The following THSD7B variants were observed in gnomAD, a reference collection of about 807,000 sequenced individuals.
THSD7B encodes thrombospondin type-1 domain-containing protein 7B.
Under a neutral mutation model 213.6 loss-of-function variants are expected in THSD7B, and 138 were observed. The observed-to-expected ratio is 0.65, with a 90% CI of 0.56 to 0.74. The LOEUF (loss-of-function observed/expected upper bound fraction) is 0.74, where lower values mean the gene tolerates loss of function less well. THSD7B is among the 30% of genes least tolerant of loss of function. The pLI, the probability that THSD7B is intolerant of heterozygous loss-of-function variation, is 0.00. For missense variants in THSD7B, 1,931 were observed against 1,991.5 expected (o/e 0.97, Z 0.58); for synonymous variants, 742 against 687.0 (o/e 1.08, Z -1.25).
intron 12 of THSD7B, among the ~76,000 whole-genome samples, chr2:137,284,336 T>C (rs1218173229): frequency 1.3e-5 from 2 of 152,122 alleles, no homozygotes; most frequent in Non-Finnish European, 2.9e-5. Flanking sequence ...TTTGTTGATC[T>C]TTTCAAAAAT....
chr2:136,865,010 T>G (rs1364861671), intron 1 of THSD7B, among the ~76,000 whole-genome samples: 1 of 152,340 alleles, frequency 6.6e-6, no homozygotes, highest in East Asian at 1.9e-4. Context: ...CTGATATGAA[T>G]TCTTTTGTGC....
chr2:137,538,461 T>C, intron 15 of THSD7B: 1 of 514,780 alleles, frequency 1.9e-6, no homozygotes, highest in South Asian at 1.4e-5. Flanking sequence ...TTGCTTATCA[T>C]GCACTGCTAA....
At chr2:137,645,935 A>C (rs1200988869) in intron 21 of THSD7B, among the ~76,000 whole-genome samples, 1 of 152,178 alleles carries the variant, frequency 6.6e-6, no homozygotes, top group Non-Finnish European at 1.5e-5. Flanking sequence ...GGAAATAAAC[A>C]TTTACTAGAA....
intron 15 of THSD7B, among the ~76,000 whole-genome samples, chr2:137,452,462 C>G (rs1687669843): frequency 6.6e-6 from 1 of 152,090 alleles, no homozygotes; most frequent in Non-Finnish European, 1.5e-5. Flanking sequence ...GGGAAATACT[C>G]TGTATGGAGA....
In THSD7B at chr2:137,428,812, G is replaced by C. The variant is rs1687114114; in HGVS notation, c.2959+16940G>C. On this transcript the variant is annotated intron_variant, in intron 14 of 27. Coordinates refer to ENST00000409968, the MANE Select transcript of THSD7B (RefSeq NM_001316349.2). Reference sequence around the variant, plus strand: ...TTGAAACTTAATTCCCAATATAATAGTACATGAGTAGGACTTTTAGGGGTG... The same window carrying C: ...TTGAAACTTAATTCCCAATATAATACTACATGAGTAGGACTTTTAGGGGTG... Among the ~76,000 whole-genome samples, 5 of 152,158 alleles carry C rather than the reference G, an allele frequency of 3.3e-5. No homozygotes were observed. In the South Asian group the frequency reaches 1.0e-3, roughly 31 times the overall value.
intron 12 of THSD7B, among the ~76,000 whole-genome samples, chr2:137,328,952 A>C (rs1299646648): frequency 1.3e-5 from 2 of 152,120 alleles, no homozygotes. Context: ...TTTATAAATT[A>C]CCCAGGCTCA....
chr2:136,861,714 T>G (rs1254746546), intron 1 of THSD7B, among the ~76,000 whole-genome samples: 1 of 152,230 alleles, frequency 6.6e-6, no homozygotes, highest in Non-Finnish European at 1.5e-5. Context: ...AGAACCTAAA[T>G]GTATTGGTCA....
At chr2:137,067,616 G>A (rs1306242486) in intron 3 of THSD7B, among the ~76,000 whole-genome samples, 1 of 152,018 alleles carries the variant, frequency 6.6e-6, no homozygotes, top group East Asian at 1.9e-4. Context: ...AGCCTATTAA[G>A]CCTGTTTGTT....
At chr2:137,645,686 AC>A (rs969240985) in intron 21 of THSD7B, among the ~76,000 whole-genome samples, 4 of 148,536 alleles carry the variant, frequency 2.7e-5, no homozygotes, top group Admixed American at 6.7e-5. Context: ...AAAAAAAAAA[AC>A]CACTTTAATA....
chr2:136,773,067 G>A (rs539695368), intron 1 of THSD7B, among the ~76,000 whole-genome samples: 18 of 152,012 alleles, frequency 1.2e-4, no homozygotes, highest in African/African-American at 2.4e-4. Flanking sequence ...CACATTCAGC[G>A]CTGTCTAAAA....
chr2:137,360,051 T>G (rs1380615905), intron 12 of THSD7B, among the ~76,000 whole-genome samples: 4 of 152,192 alleles, frequency 2.6e-5, no homozygotes. Context: ...GTTTCAAGCT[T>G]AGATAATCAA....
At chr2:137,337,702 T>C (rs972643799) in intron 12 of THSD7B, among the ~76,000 whole-genome samples, 1 of 152,114 alleles carries the variant, frequency 6.6e-6, no homozygotes, top group Non-Finnish European at 1.5e-5. Flanking sequence ...GATTATCTAG[T>C]TTTCATCAGT....
chr2:137,362,653 T>C (rs1267269180), intron 12 of THSD7B, among the ~76,000 whole-genome samples: 1 of 152,172 alleles, frequency 6.6e-6, no homozygotes, highest in East Asian at 1.9e-4. Context: ...CATTACATAA[T>C]GGTAAAGGGA....
intron 10 of THSD7B, among the ~76,000 whole-genome samples, chr2:137,252,986 T>C (rs964818407): frequency 5.1e-5 from 7 of 136,646 alleles, no homozygotes; most frequent in Admixed American, 2.5e-4. Context: ...TAGGTAGAAA[T>C]ATAGAAAAGG....
At chr2:136,854,316 C>T (rs1683147050) in intron 1 of THSD7B, among the ~76,000 whole-genome samples, 1 of 152,108 alleles carries the variant, frequency 6.6e-6, no homozygotes, top group Non-Finnish European at 1.5e-5. Context: ...TTCTCAACTC[C>T]AGTTGAAAAT....
intron 1 of THSD7B, among the ~76,000 whole-genome samples, chr2:136,833,671 A>T (rs1450077646): frequency 6.6e-6 from 1 of 152,132 alleles, no homozygotes; most frequent in Non-Finnish European, 1.5e-5. Context: ...AGCCTAGTTT[A>T]TAGAAGGGGG....
At chr2:137,568,396 C>A (rs1339897391) in intron 16 of THSD7B, among the ~76,000 whole-genome samples, 1 of 152,082 alleles carries the variant, frequency 6.6e-6, no homozygotes, top group Non-Finnish European at 1.5e-5. Flanking sequence ...ATTTTGAAGT[C>A]TTTACTCTCG....
intron 17 of THSD7B, among the ~76,000 whole-genome samples, chr2:137,578,952 G>A (rs747708178): frequency 1.6e-4 from 24 of 152,112 alleles, no homozygotes; most frequent in Admixed American, 3.9e-4. Context: ...CATAATTAGA[G>A]CCCTGGAAGT....
intron 15 of THSD7B, among the ~76,000 whole-genome samples, chr2:137,514,282 G>A (rs371866917): frequency 1.7e-4 from 26 of 152,230 alleles, no homozygotes; most frequent in Admixed American, 3.3e-4. Context: ...CCCTCAATCC[G>A]GGTGGGCACC....
Sources: allele counts gnomAD v4.1 joint callset (sites outside exome capture counted in the v4.1 genomes callset), GRCh38; gene constraint gnomAD v4.1.1; transcripts MANE v1.5; gene names NCBI Gene and HGNC (gene_info 2026-07-23, HGNC 2026-07-21).